ADGRE1: variants seen among roughly 807,000 people sequenced by gnomAD.
The protein encoded by ADGRE1 is EGF-like module receptor 1.
ADGRE1 carries 82 observed loss-of-function variants against 102.7 expected under a neutral mutation model. That is an observed-to-expected ratio of 0.80 (90% CI 0.67 to 0.96). The LOEUF (loss-of-function observed/expected upper bound fraction) is 0.96, where lower values mean the gene tolerates loss of function less well. Among genes scored for constraint, ADGRE1 ranks in the 40% least tolerant of loss-of-function variants. ADGRE1 has a pLI of 0.00. For synonymous variants in ADGRE1, 398 were observed against 399.6 expected, an observed-to-expected ratio of 1.00 and a Z score of 0.05; for missense variants, 1,032 against 1,085.3, an observed-to-expected ratio of 0.95 and a Z score of 0.69.
intron 11 of ADGRE1, 34 bp from the exon 12 acceptor site, chr19:6,916,215 T>C (rs767595520): frequency 1.9e-6 from 3 of 1,597,394 alleles, no homozygotes; most frequent in East Asian, 4.5e-5. Context: ...ACTTTCTGGG[T>C]GACCTCATAC....
intron 14 of ADGRE1, 73 bp from the exon 15 acceptor site, chr19:6,924,605 A>G: frequency 7.0e-7 from 1 of 1,427,950 alleles, no homozygotes; most frequent in Non-Finnish European, 9.7e-7. Context: ...CCAGGGTTTT[A>G]GATAACTCTT....
chr19:6,900,983 T>A (rs1352002212), intron 5 of ADGRE1, among the ~76,000 whole-genome samples: 2 of 152,240 alleles, frequency 1.3e-5, no homozygotes, highest in Non-Finnish European at 2.9e-5. Context: ...CAGCTGACCT[T>A]GGCTGGGCTT....
intron 14 of ADGRE1, among the ~76,000 whole-genome samples, chr19:6,924,375 C>G (rs1251218125): frequency 1.3e-5 from 2 of 152,140 alleles, no homozygotes; most frequent in African/African-American, 4.8e-5. Context: ...ATGTATCTCA[C>G]TGGAGAACTT....
At chr19:6,920,293 C>T (rs114221005) in intron 13 of ADGRE1, among the ~76,000 whole-genome samples, 42,709 of 149,634 alleles carry the variant, frequency 0.29, 7,589 homozygotes, top group African/African-American at 0.5. Flanking sequence ...AATTTCAAGT[C>T]ATTGCAAGCT....
At chr19:6,933,546 G>A (rs1975255932) in intron 17 of ADGRE1, among the ~76,000 whole-genome samples, 1 of 151,930 alleles carries the variant, frequency 6.6e-6, no homozygotes, top group Non-Finnish European at 1.5e-5. Context: ...CAGCACCACG[G>A]CCAGCTAATT....
intron 5 of ADGRE1, among the ~76,000 whole-genome samples, chr19:6,900,651 C>T (rs540041930): frequency 1.3e-5 from 2 of 152,300 alleles, no homozygotes; most frequent in African/African-American, 4.8e-5. Context: ...CACCAAGAGA[C>T]AAGAGCTCCA....
chr19:6,937,449 T>G, intron 19 of ADGRE1, 38 bp downstream of exon 19: 6 of 691,228 alleles, frequency 8.7e-6, no homozygotes, highest in Non-Finnish European at 1.2e-5. Flanking sequence ...CCTCCTCCCA[T>G]CCCCCTCTCC....
At chr19:6,929,389 G>T (rs532413163) in intron 17 of ADGRE1, among the ~76,000 whole-genome samples, 1 of 152,110 alleles carries the variant, frequency 6.6e-6, no homozygotes, top group East Asian at 1.9e-4. Flanking sequence ...TGACATTTAC[G>T]TAGAGCGCGA....
At chr19:6,896,576 G>A in intron 3 of ADGRE1, 35 bp downstream of exon 3, 2 of 1,602,008 alleles carry the variant, frequency 1.2e-6, no homozygotes, top group South Asian at 1.1e-5. Context: ...TCCAGCATTT[G>A]GTAGGAAAAT....
intron 2 of ADGRE1, chr19:6,895,287 G>A (rs1973509635): frequency 6.6e-6 from 1 of 152,192 alleles, no homozygotes; most frequent in Non-Finnish European, 1.5e-5. Context: ...CATTCTCCTT[G>A]GCCAGATTTT....
intron 18 of ADGRE1, among the ~76,000 whole-genome samples, chr19:6,935,321 G>A (rs1175045678): frequency 6.6e-6 from 1 of 152,014 alleles, no homozygotes; most frequent in Non-Finnish European, 1.5e-5. Flanking sequence ...ACAGAATGGG[G>A]ATATTAACAT....
chr19:6,891,578 C>T (rs561998055), intron 2 of ADGRE1, among the ~76,000 whole-genome samples: 1 of 151,934 alleles, frequency 6.6e-6, no homozygotes, highest in Non-Finnish European at 1.5e-5. Context: ...CTCAGCCTCC[C>T]GAGTAGCTGG....
intron 8 of ADGRE1, 144 bp from the exon 9 acceptor site, chr19:6,906,289 G>C: frequency 1.5e-6 from 1 of 648,364 alleles, no homozygotes; most frequent in South Asian, 2.0e-5. Context: ...GTGTGTAGTT[G>C]TGGTTTGTTC....
chr19:6,896,729 T>A (rs1973567553), intron 3 of ADGRE1, 188 bp downstream of exon 3: 8 of 628,608 alleles, frequency 1.3e-5, no homozygotes, highest in Non-Finnish European at 1.6e-5. Context: ...GTGTTGTTAC[T>A]GTCACAGCAT....
At chr19:6,918,230 C>T (rs951917785) in intron 12 of ADGRE1, among the ~76,000 whole-genome samples, 2 of 151,942 alleles carry the variant, frequency 1.3e-5, no homozygotes, top group African/African-American at 4.8e-5. Flanking sequence ...ACCTGAGGTC[C>T]AGAGTTCAAG....
At chr19:6,889,140 A>G (rs1252150170) in intron 1 of ADGRE1, among the ~76,000 whole-genome samples, 1 of 151,528 alleles carries the variant, frequency 6.6e-6, no homozygotes, top group African/African-American at 2.4e-5. Flanking sequence ...GATAGGGATA[A>G]TGATGATGAT....
At chr19:6,932,887 G>T (rs932845363) in intron 17 of ADGRE1, among the ~76,000 whole-genome samples, 3 of 152,180 alleles carry the variant, frequency 2.0e-5, no homozygotes, top group African/African-American at 7.2e-5. Context: ...TGCCAAGAGT[G>T]CAGTAAATAT....
chr19:6,889,559 C>T (rs910208800), intron 1 of ADGRE1, among the ~76,000 whole-genome samples: 24 of 151,098 alleles, frequency 1.6e-4, no homozygotes, highest in African/African-American at 1.7e-4. Flanking sequence ...CGTGGTGGTG[C>T]GTGCTTGTAA....
chr19:6,909,017 C>T (rs1226736984), intron 10 of ADGRE1, among the ~76,000 whole-genome samples: 1 of 151,852 alleles, frequency 6.6e-6, no homozygotes, highest in Non-Finnish European at 1.5e-5. Flanking sequence ...GCCCATAGTA[C>T]CAGCTACTCA....
Sources: allele counts gnomAD v4.1 joint callset (sites outside exome capture counted in the v4.1 genomes callset), GRCh38; gene constraint gnomAD v4.1.1; transcripts MANE v1.5; gene names NCBI Gene and HGNC (gene_info 2026-07-23, HGNC 2026-07-21).